The following SLC44A5 variants were observed in gnomAD, a reference collection of about 807,000 sequenced individuals.
SLC44A5 encodes the protein solute carrier family 44 member 5, also known as choline transporter-like protein 5.
Under a neutral mutation model 101.8 loss-of-function variants are expected in SLC44A5, and 57 were observed. That is an observed-to-expected ratio of 0.56 (90% confidence interval 0.45 to 0.70). The LOEUF (loss-of-function observed/expected upper bound fraction) is 0.70, where lower values mean the gene tolerates loss of function less well. Among genes scored for constraint, SLC44A5 ranks in the 30% least tolerant of loss-of-function variants. The pLI is 0.00. For missense variants in SLC44A5, 737 were observed against 853.1 expected, an observed-to-expected ratio of 0.86 and a Z score of 1.70; for synonymous variants, 281 against 290.9, an observed-to-expected ratio of 0.97 and a Z score of 0.35.
intron 1 of SLC44A5, among the ~76,000 whole-genome samples, chr1:75,580,895 G>A (rs867230946): frequency 1.3e-5 from 2 of 151,784 alleles, no homozygotes; most frequent in Non-Finnish European, 1.5e-5. Context: ...GGGCCCATAT[G>A]TTTAGCATAA....
intron 1 of SLC44A5, among the ~76,000 whole-genome samples, chr1:75,544,967 A>C (rs1473808256): frequency 6.6e-6 from 1 of 152,002 alleles, no homozygotes; most frequent in Non-Finnish European, 1.5e-5. Flanking sequence ...ATCAACCTGT[A>C]ATCTACATTA....
intron 6 of SLC44A5, among the ~76,000 whole-genome samples, chr1:75,253,608 A>G (rs889576322): frequency 9.9e-5 from 15 of 152,188 alleles, no homozygotes; most frequent in Non-Finnish European, 1.8e-4. Flanking sequence ...CTCACAGTGC[A>G]TGTGATTCAA....
chr1:75,495,353 G>C (rs932690661), intron 2 of SLC44A5, among the ~76,000 whole-genome samples: 2 of 151,998 alleles, frequency 1.3e-5, no homozygotes, highest in East Asian at 1.9e-4. Context: ...TACTTGGGAG[G>C]CTGAGGCAGG....
intron 18 of SLC44A5, among the ~76,000 whole-genome samples, chr1:75,216,444 C>A (rs1368003811): frequency 6.6e-6 from 1 of 151,772 alleles, no homozygotes; most frequent in Non-Finnish European, 1.5e-5. Flanking sequence ...TCTTTCAATT[C>A]TTTTCATGTA....
chr1:75,481,847 C>A (rs192519789), intron 2 of SLC44A5, among the ~76,000 whole-genome samples: 1 of 152,124 alleles, frequency 6.6e-6, no homozygotes, highest in Non-Finnish European at 1.5e-5. Flanking sequence ...GTTAGTGTGG[C>A]GATTCCTCAG....
chr1:75,626,392 T>C, the SLC44A5 span, among the ~76,000 whole-genome samples: 5 of 152,118 alleles, frequency 3.3e-5, no homozygotes, highest in African/African-American at 1.2e-4. Context: ...CTCCTGCTAA[T>C]ATACCTGCAA....
the SLC44A5 span, among the ~76,000 whole-genome samples, chr1:75,675,383 G>A: frequency 1.3e-5 from 2 of 152,130 alleles, no homozygotes; most frequent in Admixed American, 6.5e-5. Context: ...ATTGTGAGTG[G>A]GAGTTTTTTT....
In SLC44A5 at chr1:75,270,958, T is replaced by TA. The variant is rs200594562; in HGVS notation, c.260+3999dup. 5.4e-3 allele frequency among the ~76,000 whole-genome samples: 818 copies of TA among 152,256 alleles called. 9 individuals are homozygous for TA. Among genetic ancestry groups the TA allele is most frequent in the African/African-American group, 0.019 (789 of 41,556 alleles). On this transcript the variant is annotated intron_variant, in intron 6 of 23. Transcript: ENST00000370859. ...TTAAAAACAAACTGTCTTAAAGAAC[T>TA]AGAGATTGAGAGATTTGTATGGTTT...
chr1:75,329,699 CG>C (rs1476662562), intron 4 of SLC44A5, among the ~76,000 whole-genome samples: 1 of 151,766 alleles, frequency 6.6e-6, no homozygotes, highest in Non-Finnish European at 1.5e-5. Context: ...AATGAAATTC[CG>C]CCAATATTTC....
intron 1 of SLC44A5, among the ~76,000 whole-genome samples, chr1:75,559,391 A>G (rs922126353): frequency 1.3e-5 from 2 of 152,128 alleles, no homozygotes; most frequent in South Asian, 4.1e-4. Context: ...ACCATGACTG[A>G]GGGAATTGGC....
In SLC44A5 at chr1:75,578,331, AC is replaced by A. The variant is rs527359900; in HGVS notation, c.-70+32708del. ...TTAATAACTGAAATAGCACAAAAAA[AC>A]ATCTAACACACCAATATTTTTCTCT... On this transcript the variant is annotated intron_variant, in intron 1 of 23. Transcript: ENST00000370859. Among the ~76,000 whole-genome samples the A allele has an allele frequency of 2.9e-3, 443 of 152,248 alleles. 3 individuals are homozygous for A. The highest frequency in any genetic ancestry group is 0.01 in the Middle Eastern group (3 of 290).
At chr1:75,595,903 T>C (rs1674603996) in intron 1 of SLC44A5, among the ~76,000 whole-genome samples, 2 of 152,168 alleles carry the variant, frequency 1.3e-5, no homozygotes, top group South Asian at 4.1e-4. Flanking sequence ...AAGTTCCTGT[T>C]AAAAAGAGAT....
At chr1:75,203,881 A>G (rs1646702843) in intron 23 of SLC44A5, 48 bp from the exon 24 acceptor site, 1 of 1,499,644 alleles carries the variant, frequency 6.7e-7, no homozygotes, top group South Asian at 1.3e-5. Context: ...GAACTGTAAG[A>G]GAAGTAACAC....
chr1:75,323,597 C>A (rs1656351683), intron 4 of SLC44A5, among the ~76,000 whole-genome samples: 1 of 152,082 alleles, frequency 6.6e-6, no homozygotes, highest in East Asian at 1.9e-4. Flanking sequence ...CTATTCTTTG[C>A]AAAGTAAATG....
intron 1 of SLC44A5, among the ~76,000 whole-genome samples, chr1:75,557,718 C>T (rs187176807): frequency 6.6e-6 from 1 of 152,236 alleles, no homozygotes; most frequent in Non-Finnish European, 1.5e-5. Context: ...CACATTTACA[C>T]TGTAGTATAC....
chr1:75,323,904 T>G (rs568500134), intron 4 of SLC44A5, among the ~76,000 whole-genome samples: 1 of 152,276 alleles, frequency 6.6e-6, no homozygotes, highest in South Asian at 2.1e-4. Context: ...CAACTGCCAT[T>G]TCCATTACCT....
At chr1:75,715,176 T>A in the SLC44A5 span, among the ~76,000 whole-genome samples, 21 of 152,132 alleles carry the variant, frequency 1.4e-4, no homozygotes, top group Non-Finnish European at 2.8e-4. Context: ...CATTCCATGC[T>A]CATGGATAGG....
intron 3 of SLC44A5, among the ~76,000 whole-genome samples, chr1:75,359,682 T>C (rs570627447): frequency 7.2e-5 from 11 of 152,330 alleles, no homozygotes. Context: ...TTTGGATATA[T>C]ACTCAGAAAT....
chr1:75,404,879 C>T (rs1286399417), intron 2 of SLC44A5, among the ~76,000 whole-genome samples: 1 of 152,116 alleles, frequency 6.6e-6, no homozygotes, highest in Non-Finnish European at 1.5e-5. Context: ...GTTAAATGCC[C>T]CAATTTAAAG....
Sources: allele counts gnomAD v4.1 joint callset (sites outside exome capture counted in the v4.1 genomes callset), GRCh38; gene constraint gnomAD v4.1.1; transcripts MANE v1.5; gene names NCBI Gene and HGNC (gene_info 2026-07-23, HGNC 2026-07-21).